Variants in MAGI2 observed in about 807,000 individuals in gnomAD.
MAGI2 encodes membrane-associated guanylate kinase, WW and PDZ domain-containing protein 2.
A neutral mutation model predicts 133.3 loss-of-function variants in MAGI2; 35 were observed. The ratio of observed to expected loss-of-function variants is 0.26; its 90% CI spans 0.20 to 0.35. The LOEUF (loss-of-function observed/expected upper bound fraction) is 0.35, where lower values mean the gene tolerates loss of function less well. Among genes scored for constraint, MAGI2 ranks in the 10% least tolerant of loss-of-function variants. MAGI2 has a pLI of 1.00. For synonymous variants in MAGI2, 729 were observed against 710.6 expected (o/e 1.03, Z -0.41); for missense variants, 1,636 against 1,863.4 (o/e 0.88, Z 2.25).
At chr7:78,731,843 G>T (rs1378142796) in intron 2 of MAGI2, among the ~76,000 whole-genome samples, 2 of 151,936 alleles carry the variant, frequency 1.3e-5, no homozygotes, top group South Asian at 2.1e-4. Context: ...TACCCTTTAG[G>T]ATCTGACAAA....
intron 2 of MAGI2, among the ~76,000 whole-genome samples, chr7:78,968,833 A>C (rs1387506296): frequency 6.6e-6 from 1 of 152,104 alleles, no homozygotes; most frequent in Non-Finnish European, 1.5e-5. Flanking sequence ...AAAGATTCAC[A>C]AGGACACGGC....
chr7:79,015,291 T>TA (rs1213962070), intron 1 of MAGI2, among the ~76,000 whole-genome samples: 1 of 151,538 alleles, frequency 6.6e-6, no homozygotes, highest in African/African-American at 2.4e-5. Context: ...CCCATCTCTA[T>TA]AAAAATGAAA....
intron 1 of MAGI2, among the ~76,000 whole-genome samples, chr7:79,311,302 C>A (rs1838271260): frequency 6.6e-6 from 1 of 152,158 alleles, no homozygotes; most frequent in South Asian, 2.1e-4. Flanking sequence ...TCTTGGGTCA[C>A]ACATAAAATA....
At chr7:78,189,006 G>A (rs138864319) in intron 12 of MAGI2, among the ~76,000 whole-genome samples, 98 of 152,246 alleles carry the variant, frequency 6.4e-4, no homozygotes, top group African/African-American at 2.3e-3. Flanking sequence ...GTTCTGTGGT[G>A]AATAATACGA....
intron 1 of MAGI2, among the ~76,000 whole-genome samples, chr7:79,073,131 C>T (rs528018845): frequency 1.1e-4 from 17 of 152,284 alleles, no homozygotes; most frequent in African/African-American, 3.1e-4. Context: ...AAGCACCATG[C>T]ATTTGTCTTC....
rs377764145 is a variant in MAGI2 at position 79,416,217 on chromosome 7, A to G, written c.301+36803T>C. 9.2e-5 allele frequency among the ~76,000 whole-genome samples: 14 copies of G among 152,250 alleles called. No individual in the cohort carries two copies. The East Asian group carries it at 2.1e-3, about 23-fold the overall frequency. The stretch of plus-strand genomic sequence containing the variant: ...TGACTCAAAGCCCACTGTCTACTGC[A>G]TTCCCAGGTAAATAAAACTAGAAAT... On this transcript the variant is annotated intron_variant, in intron 1 of 21. Coordinates refer to ENST00000354212, the MANE Select transcript of MAGI2 (RefSeq NM_012301.4).
chr7:78,615,186 G>A (rs1213171949), intron 3 of MAGI2: 3 of 152,130 alleles, frequency 2.0e-5, no homozygotes, highest in African/African-American at 7.2e-5. Flanking sequence ...ATGGTTTGCT[G>A]CTACACTTTA....
At chr7:79,346,095 A>C (rs541103288) in intron 1 of MAGI2, among the ~76,000 whole-genome samples, 48 of 152,194 alleles carry the variant, frequency 3.2e-4, no homozygotes, top group African/African-American at 1.0e-3. Flanking sequence ...AAGAATCCAT[A>C]ATTTTTGAGG....
intron 2 of MAGI2, among the ~76,000 whole-genome samples, chr7:78,701,400 G>C (rs1818055977): frequency 6.6e-6 from 1 of 151,940 alleles, no homozygotes; most frequent in East Asian, 1.9e-4. Context: ...AGGAAATGCA[G>C]ATCATATTTG....
intron 1 of MAGI2, among the ~76,000 whole-genome samples, chr7:79,352,972 T>C (rs1008982135): frequency 1.7e-4 from 26 of 152,138 alleles, no homozygotes; most frequent in African/African-American, 4.1e-4. Context: ...TTACGTACTT[T>C]AACTTATTTC....
At chr7:78,649,237 A>AAAAAAAAAAAAAAAAAAAAAAG (rs1563294737) in intron 2 of MAGI2, among the ~76,000 whole-genome samples, 76 of 65,440 alleles carry the variant, frequency 1.2e-3, no homozygotes, top group African/African-American at 1.7e-3. Flanking sequence ...AAAAAAAAAG[A>AAAAAAAAAAAAAAAAAAAAAAG]AAAAAAAAGA....
intron 3 of MAGI2, among the ~76,000 whole-genome samples, chr7:78,527,556 A>G (rs1199200643): frequency 6.6e-6 from 1 of 152,172 alleles, no homozygotes; most frequent in African/African-American, 2.4e-5. Context: ...ATATCAAAAT[A>G]TTATTTTCTG....
At chr7:78,639,409 A>G (rs995288544) in intron 2 of MAGI2, among the ~76,000 whole-genome samples, 1 of 152,174 alleles carries the variant, frequency 6.6e-6, no homozygotes, top group Non-Finnish European at 1.5e-5. Context: ...AGAAACAAAG[A>G]AGAGAGGGAG....
At chr7:79,241,068 A>C (rs1430098388) in intron 1 of MAGI2, among the ~76,000 whole-genome samples, 2 of 152,146 alleles carry the variant, frequency 1.3e-5, no homozygotes, top group East Asian at 3.9e-4. Flanking sequence ...TCATAACTTA[A>C]AATTGCTTTC....
At chr7:78,655,459 A>C (rs1812110722) in intron 2 of MAGI2, among the ~76,000 whole-genome samples, 1 of 148,784 alleles carries the variant, frequency 6.7e-6, no homozygotes, top group Admixed American at 6.7e-5. Context: ...ACAACCAAAA[A>C]AAAAAAAAAA....
intron 1 of MAGI2, among the ~76,000 whole-genome samples, chr7:79,050,776 T>C (rs913605765): frequency 2.0e-5 from 3 of 152,236 alleles, no homozygotes; most frequent in Admixed American, 6.5e-5. Flanking sequence ...TGAAGTCTCC[T>C]GGCTGAAAGC....
chr7:79,290,948 A>G (rs1836432093), intron 1 of MAGI2, among the ~76,000 whole-genome samples: 1 of 152,118 alleles, frequency 6.6e-6, no homozygotes. Context: ...ATAAAACATA[A>G]AAAATGAAGC....
At position 79,283,186 on chromosome 7, in the gene MAGI2, G is replaced by A. The variant is rs574228319; in HGVS notation, c.301+169834C>T. On this transcript the variant is annotated intron_variant, in intron 1 of 21. Transcript: ENST00000354212. ...GGGTTCAGAAATTTTAAGAATCCAAGAGGATAGGGCTTAACTTTAAACTCT... is the reference window on the plus strand; with the variant it reads ...GGGTTCAGAAATTTTAAGAATCCAAAAGGATAGGGCTTAACTTTAAACTCT... Among the ~76,000 whole-genome samples the A allele has an allele frequency of 2.6e-5, 4 of 152,194 alleles. No homozygotes were observed. The East Asian group carries it at 7.7e-4, about 29-fold the overall frequency.
At chr7:78,793,599 T>A (rs1787357833) in intron 2 of MAGI2, among the ~76,000 whole-genome samples, 1 of 152,162 alleles carries the variant, frequency 6.6e-6, no homozygotes, top group Admixed American at 6.5e-5. Flanking sequence ...ACCATAATGA[T>A]GGGGCAAAGG....
Sources: allele counts gnomAD v4.1 joint callset (sites outside exome capture counted in the v4.1 genomes callset), GRCh38; gene constraint gnomAD v4.1.1; transcripts MANE v1.5; gene names NCBI Gene and HGNC (gene_info 2026-07-23, HGNC 2026-07-21).